TRPM5: variants seen among roughly 807,000 people sequenced by gnomAD.
TRPM5 encodes the protein MLSN1 and TRP-related.
TRPM5 carries 121 observed loss-of-function variants against 124.9 expected under a neutral mutation model. The observed-to-expected ratio is 0.97, with a 90% CI of 0.84 to 1.13. The LOEUF (loss-of-function observed/expected upper bound fraction) is 1.13, where lower values mean the gene tolerates loss of function less well. TRPM5 is among the 50% of genes most tolerant of loss of function. The probability of loss-of-function intolerance (pLI) is 0.00; values close to 1 mark genes in which losing one functional copy is unlikely to be tolerated. For missense variants in TRPM5, 1,643 were observed against 1,589.1 expected, an observed-to-expected ratio of 1.03 and a Z score of -0.58; for synonymous variants, 781 against 700.5, an observed-to-expected ratio of 1.11 and a Z score of -1.81.
chr11:2,409,840 G>A (rs575263206), intron 18 of TRPM5, among the ~76,000 whole-genome samples: 10 of 152,300 alleles, frequency 6.6e-5, no homozygotes, highest in Admixed American at 2.6e-4. Flanking sequence ...CCGCAGCACC[G>A]CAGACCTCCC....
At chr11:2,433,053 T>C in the TRPM5 span, among the ~76,000 whole-genome samples, 5 of 152,342 alleles carry the variant, frequency 3.3e-5, 1 homozygote, top group Non-Finnish European at 2.9e-5. Flanking sequence ...TTAAGTTCCC[T>C]GGCCCGGGCA....
At chr11:2,417,803 G>A (rs138197888) in exon 7 of TRPM5, 1 of 1,588,462 alleles carries the variant, frequency 6.3e-7, no homozygotes, top group East Asian at 2.3e-5. Flanking sequence ...CGGTGAGCAG[G>A]TGCTGGTGTG....
At chr11:2,423,259 G>T (rs1178680831), upstream of TRPM5, among the ~76,000 whole-genome samples, 1 of 152,162 alleles carries the variant, frequency 6.6e-6, no homozygotes, top group Non-Finnish European at 1.5e-5. Flanking sequence ...GACACTCGCT[G>T]TAGCACCGCC....
At chr11:2,437,596 T>C in the TRPM5 span, among the ~76,000 whole-genome samples, 1 of 152,220 alleles carries the variant, frequency 6.6e-6, no homozygotes, top group Admixed American at 6.5e-5. The surrounding 1 kb of genome is among the most constrained non-coding windows in gnomAD (Gnocchi z 5.6). Context: ...TAGTTCTGGC[T>C]CTGTCCTGCT....
chr11:2,407,738 C>T (rs1565006475), intron 19 of TRPM5, 21 bp downstream of exon 24: 1 of 1,612,188 alleles, frequency 6.2e-7, no homozygotes, highest in Non-Finnish European at 8.5e-7. Context: ...GCTCTCTCCT[C>T]CAGGGGTTGG....
chr11:2,404,851 C>G, exon 24 of TRPM5: 1 of 1,164,488 alleles, frequency 8.6e-7, no homozygotes, highest in East Asian at 2.4e-5. Flanking sequence ...CTGGGGGGTT[C>G]CGCTGGAGGT....
At chr11:2,410,776 C>T (rs1565008240) in intron 18 of TRPM5, 4 of 422,492 alleles carry the variant, frequency 9.5e-6, no homozygotes, top group Middle Eastern at 3.5e-4. Flanking sequence ...CACACACACA[C>T]ATTGGGGTGG....
chr11:2,420,542 C>G (rs771497756), intron 3 of TRPM5, 137 bp from the exon 9 acceptor site: 5 of 886,966 alleles, frequency 5.6e-6, no homozygotes. Context: ...CCTTGGTTTC[C>G]CCACCCTTCA....
At chr11:2,411,196 G>C (rs543958234) in intron 18 of TRPM5, among the ~76,000 whole-genome samples, 156 bp downstream of exon 23, 4 of 152,196 alleles carry the variant, frequency 2.6e-5, no homozygotes, top group Non-Finnish European at 5.9e-5. Context: ...GGTGTGGGGG[G>C]CCTGGGGACC....
exon 24 of TRPM5, chr11:2,404,953 G>A: frequency 1.2e-6 from 2 of 1,612,356 alleles, no homozygotes; most frequent in South Asian, 2.2e-5. Context: ...GTCCGAGGGA[G>A]GCTGGCCAGC....
chr11:2,424,757 G>A (rs1411192990), upstream of TRPM5, among the ~76,000 whole-genome samples: 1 of 152,196 alleles, frequency 6.6e-6, no homozygotes, highest in East Asian at 1.9e-4. Context: ...CCAGAACCAT[G>A]AGAGAATCAA....
upstream of TRPM5, among the ~76,000 whole-genome samples, chr11:2,424,871 G>T (rs1845824410): frequency 6.6e-6 from 1 of 152,240 alleles, no homozygotes; most frequent in South Asian, 2.1e-4. Context: ...GTGACTGCCA[G>T]CCCCAGGCAG....
At chr11:2,414,150 G>A (rs772776652) in exon 12 of TRPM5, 10 of 1,608,698 alleles carry the variant, frequency 6.2e-6, no homozygotes, top group Admixed American at 1.7e-5. Flanking sequence ...CGGTTCCGGC[G>A]CACCAGCAGG....
chr11:2,443,102 C>T, the TRPM5 span, among the ~76,000 whole-genome samples: 1 of 152,258 alleles, frequency 6.6e-6, no homozygotes, highest in Middle Eastern at 3.4e-3. The surrounding 1 kb of genome is among the most constrained non-coding windows in gnomAD (Gnocchi z 5.0). Flanking sequence ...AATGTTTTCC[C>T]GATTCACAGG....
the TRPM5 span, among the ~76,000 whole-genome samples, chr11:2,436,386 G>C: frequency 6.6e-6 from 1 of 152,260 alleles, no homozygotes; most frequent in African/African-American, 2.4e-5. Context: ...ACCTTGGCCT[G>C]GAAGGATGTA....
Position 2,412,065 on chromosome 11 carries a change from C to A in TRPM5, c.2474+70G>T, listed in dbSNP as rs913562055. ...CACAAGTGCCACCGCCACACCCAAC[C>A]TGAGTGGCTTCATCTGGAAGCCTGC... is the stretch of plus-strand genomic sequence containing the variant. On this transcript the variant is annotated intron_variant, in intron 16 of 23. Coordinates refer to ENST00000155858, the Ensembl canonical transcript of TRPM5. The A allele has an allele frequency of 5.2e-6, 7 of 1,356,280 alleles. No individual in the cohort carries two copies. The Admixed American group carries it at 6.8e-5, about 13-fold the overall frequency. 84.0% of individuals were successfully genotyped at this position (1,356,280 alleles called of 1,614,324 possible).
chr11:2,425,972 C>G (rs551779856), upstream of TRPM5, among the ~76,000 whole-genome samples: 70 of 152,288 alleles, frequency 4.6e-4, no homozygotes, highest in African/African-American at 1.6e-3. Context: ...GCTCCCTGGC[C>G]CTTGAATTGC....
At chr11:2,410,757 T>A (rs1001089706) in intron 18 of TRPM5, 1 of 442,952 alleles carries the variant, frequency 2.3e-6, no homozygotes, top group South Asian at 1.6e-5. Flanking sequence ...CCCATAGGCA[T>A]GGGCAGGCCA....
chr11:2,416,128 G>T, intron 7 of TRPM5, 104 bp from the exon 13 acceptor site: 1 of 764,496 alleles, frequency 1.3e-6, no homozygotes, highest in Non-Finnish European at 2.1e-6. Flanking sequence ...GCGGAAACGG[G>T]AACTTCACGC....
Sources: gnomAD v4.1 joint callset for allele counts (sites outside exome capture counted in the v4.1 genomes callset) on GRCh38, gnomAD v4.1.1 for gene constraint, Gnocchi (gnomAD v3.1) non-coding constraint, MANE v1.5 for transcripts, NCBI Gene and HGNC (gene_info 2026-07-23, HGNC 2026-07-21) for gene names.